BRAF: variants seen among roughly 807,000 people sequenced by gnomAD.
BRAF encodes B-Raf proto-oncogene, serine/threonine kinase.
In BRAF, 16 loss-of-function variants were observed where a neutral mutation model predicts 104.6. That is an observed-to-expected ratio of 0.15 (90% CI 0.10 to 0.23). The LOEUF (loss-of-function observed/expected upper bound fraction) is 0.23. BRAF is among the 10% of genes least tolerant of loss of function. The probability of loss-of-function intolerance (pLI) is 1.00; values close to 1 mark genes in which losing one functional copy is unlikely to be tolerated. For synonymous variants in BRAF, 310 were observed against 341.6 expected (o/e 0.91, Z 1.02); for missense variants, 541 against 937.3 (o/e 0.58, Z 5.52).
intron 19 of BRAF, chr7:140,733,083 T>C (rs1452239079): frequency 6.6e-6 from 1 of 152,194 alleles, no homozygotes; most frequent in Non-Finnish European, 1.5e-5. Context: ...CATGAATCAA[T>C]TCTGATTCAT....
chr7:140,866,559 C>G (rs1810984916), intron 1 of BRAF, among the ~76,000 whole-genome samples: 1 of 152,146 alleles, frequency 6.6e-6, no homozygotes, highest in Non-Finnish European at 1.5e-5. Flanking sequence ...ATTAAAAATT[C>G]TATATTCTGG....
At chr7:140,922,442 T>C (rs1818328906) in intron 1 of BRAF, among the ~76,000 whole-genome samples, 2 of 152,222 alleles carry the variant, frequency 1.3e-5, no homozygotes, top group Non-Finnish European at 2.9e-5. Context: ...GTAGAGATTT[T>C]ACTTCACAAA....
At position 140,722,850 on chromosome 7, in the gene BRAF, G is replaced by A. The variant is rs758138791; in HGVS notation, c.*3644C>T. The A allele has an allele frequency of 2.5e-5, 26 of 1,053,340 alleles. No individual in the cohort carries two copies. Among genetic ancestry groups the A allele is most frequent in the Non-Finnish European group, 2.9e-5 (25 of 871,844 alleles). 65.2% of individuals were successfully genotyped at this position (1,053,340 alleles called of 1,614,324 possible). A position where few individuals can be genotyped will look rare whatever the true frequency, so the allele number is the denominator to read the frequency against. Reference sequence around the variant, plus strand: ...TGACTCAAGGTTAAGATTCTGAAACGTACCCCTAAACCGGTTCTGGCACCA... The same window carrying A: ...TGACTCAAGGTTAAGATTCTGAAACATACCCCTAAACCGGTTCTGGCACCA... On this transcript the variant is annotated 3_prime_UTR_variant, in exon 20 of 20. Transcript: ENST00000644969.
intron 3 of BRAF, among the ~76,000 whole-genome samples, chr7:140,828,183 G>A (rs973639083): frequency 3.3e-5 from 5 of 152,094 alleles, no homozygotes; most frequent in African/African-American, 1.2e-4. Context: ...ATGAGCTACC[G>A]TACCTGGCCA....
chr7:140,901,158 CTAAT>C (rs755371809), intron 1 of BRAF, among the ~76,000 whole-genome samples: 19 of 152,208 alleles, frequency 1.2e-4, no homozygotes, highest in Admixed American at 5.2e-4. Flanking sequence ...TTAATAGAAA[CTAAT>C]TAAAGTTTGT....
At chr7:140,797,186 C>T (rs536749283) in intron 7 of BRAF, among the ~76,000 whole-genome samples, 2 of 152,150 alleles carry the variant, frequency 1.3e-5, no homozygotes, top group African/African-American at 4.8e-5. Context: ...ATTATAATAC[C>T]CTTCAGCAAA....
the BRAF span, among the ~76,000 whole-genome samples, chr7:140,714,239 C>T: frequency 2.0e-5 from 3 of 152,216 alleles, no homozygotes. Flanking sequence ...ACAAGGCATA[C>T]TGCTAACTAG....
Position 140,877,299 on chromosome 7 carries a change from G to GGA in BRAF, c.139-27088_139-27087insTC, listed in dbSNP as rs1554419351. On this transcript the variant is annotated intron_variant, in intron 1 of 19. Transcript: ENST00000644969. ...TTTTAGTTTTTTTAAGAGATGGGGG[G>GGA]GGGGGTGGGTCTTGCATGTTGCGCA... is the stretch of plus-strand genomic sequence containing the variant. Among the ~76,000 whole-genome samples the GGA allele has an allele frequency of 2.7e-5, 3 of 109,942 alleles. No homozygotes were observed. In the South Asian group the frequency reaches 1.1e-3, roughly 42 times the overall value. The allele number at this position is 109,942 out of a possible 152,430, so 72.1% of individuals were successfully genotyped here.
chr7:140,801,691 A>T (rs1803132459), intron 5 of BRAF, 131 bp from the exon 6 acceptor site: 1 of 1,031,708 alleles, frequency 9.7e-7, no homozygotes, highest in Non-Finnish European at 1.4e-6. Flanking sequence ...ATACTAAAGT[A>T]CTATTATAAA....
intron 1 of BRAF, among the ~76,000 whole-genome samples, chr7:140,891,566 G>C (rs564356088): frequency 8.0e-4 from 122 of 152,228 alleles, no homozygotes; most frequent in African/African-American, 2.8e-3. Flanking sequence ...CTAGGATGCA[G>C]AACTTGCAGA....
chr7:140,778,257 A>AG (rs1162301262), intron 12 of BRAF, among the ~76,000 whole-genome samples, 182 bp from the exon 12 acceptor site: 5 of 152,210 alleles, frequency 3.3e-5, no homozygotes, highest in African/African-American at 1.2e-4. Context: ...TTCAACTAAC[A>AG]ATGATATTCC....
chr7:140,886,265 C>CAAAG (rs1391465224), intron 1 of BRAF, among the ~76,000 whole-genome samples: 3 of 152,198 alleles, frequency 2.0e-5, no homozygotes, highest in Admixed American at 6.5e-5. Context: ...CTACTACTTA[C>CAAAG]AAAGGCATTC....
chr7:140,723,327 ATTAT>A lies in BRAF; in HGVS notation c.*3163_*3166del. 4 of 1,055,762 alleles carry A rather than the reference ATTAT, an allele frequency of 3.8e-6. No individual in the cohort carries two copies. The highest frequency in any genetic ancestry group is 4.6e-6 in the Non-Finnish European group (4 of 873,360). 65.4% of individuals were successfully genotyped at this position (1,055,762 alleles called of 1,614,324 possible). The stretch of plus-strand genomic sequence containing the variant: ...CAGGTTGACAGTGCTGCAGTCTTGA[ATTAT>A]TTCTTTATATACTGCTCTTTCTTCT... On this transcript the variant is annotated 3_prime_UTR_variant, in exon 20 of 20. Transcript: ENST00000644969.
intron 1 of BRAF, among the ~76,000 whole-genome samples, chr7:140,908,989 C>CTTT (rs1224922004): frequency 1.7e-5 from 2 of 120,186 alleles, no homozygotes; most frequent in African/African-American, 2.9e-5. Flanking sequence ...TCTACGTTTT[C>CTTT]TTTTTTTTTT....
At chr7:140,825,538 T>C (rs991998594) in intron 3 of BRAF, among the ~76,000 whole-genome samples, 1 of 152,156 alleles carries the variant, frequency 6.6e-6, no homozygotes, top group African/African-American at 2.4e-5. Context: ...AAATTTTAGG[T>C]TTAATTTTTA....
intron 9 of BRAF, among the ~76,000 whole-genome samples, chr7:140,786,695 C>T (rs1033604030): frequency 3.9e-5 from 6 of 152,038 alleles, no homozygotes; most frequent in African/African-American, 9.7e-5. Context: ...ATAAAATGTA[C>T]ATTTAAAACA....
intron 7 of BRAF, 106 bp downstream of exon 7, chr7:140,800,256 C>T (rs2129043481): frequency 6.4e-7 from 1 of 1,553,834 alleles, no homozygotes; most frequent in Non-Finnish European, 8.8e-7. Flanking sequence ...GGGAAAAAGT[C>T]CTTAATTTAA....
intron 19 of BRAF, chr7:140,733,255 T>A (rs1486389690): frequency 6.6e-6 from 1 of 152,236 alleles, no homozygotes; most frequent in Non-Finnish European, 1.5e-5. Flanking sequence ...TAATTTAAAG[T>A]CTTCTCAATT....
chr7:140,790,595 C>T (rs1801853713), intron 8 of BRAF, among the ~76,000 whole-genome samples: 1 of 152,162 alleles, frequency 6.6e-6, no homozygotes, highest in Non-Finnish European at 1.5e-5. Flanking sequence ...ACACTACTAG[C>T]CCCAGGATTA....
Sources: allele counts gnomAD v4.1 joint callset (sites outside exome capture counted in the v4.1 genomes callset), GRCh38; gene constraint gnomAD v4.1.1; transcripts MANE v1.5; gene names NCBI Gene and HGNC (gene_info 2026-07-23, HGNC 2026-07-21).